The following DNM2 variants were observed in gnomAD, a reference collection of about 807,000 sequenced individuals.
DNM2 encodes dynamin 2.
In DNM2, 15 loss-of-function variants were observed where a neutral mutation model predicts 99.0. That is an observed-to-expected ratio of 0.15 (90% confidence interval 0.10 to 0.23). The LOEUF (loss-of-function observed/expected upper bound fraction) is 0.23. DNM2 is among the 10% of genes least tolerant of loss of function. DNM2 has a pLI of 1.00. For missense variants in DNM2, 742 were observed against 1,189.4 expected, an observed-to-expected ratio of 0.62 and a Z score of 5.53; for synonymous variants, 525 against 481.2, an observed-to-expected ratio of 1.09 and a Z score of -1.19.
intron 1 of DNM2, among the ~76,000 whole-genome samples, chr19:10,727,034 T>C (rs1207665070): frequency 6.6e-6 from 1 of 152,194 alleles, no homozygotes; most frequent in Non-Finnish European, 1.5e-5. Context: ...GATCCTGTCT[T>C]GTTTAAAACG....
chr19:10,828,928 A>G (rs1273518718), intron 18 of DNM2, 108 bp from the exon 19 acceptor site: 2 of 1,200,894 alleles, frequency 1.7e-6, no homozygotes, highest in Non-Finnish European at 1.2e-6. Flanking sequence ...CTTTTTCAAA[A>G]AAGTCTGGGG....
At chr19:10,776,446 C>T (rs1308319627) in intron 4 of DNM2, among the ~76,000 whole-genome samples, 1 of 152,186 alleles carries the variant, frequency 6.6e-6, no homozygotes, top group East Asian at 1.9e-4. Context: ...AGGGAGGGCA[C>T]AGCTGTGGCC....
rs1040856568 is a variant in DNM2 at position 10,816,225 on chromosome 19, G to C, written c.1672-3755G>C. On this transcript the variant is annotated intron_variant, in intron 15 of 20. Coordinates refer to ENST00000389253, the MANE Select transcript of DNM2 (RefSeq NM_001005361.3). The surrounding 1 kb of genome is among the most constrained non-coding windows in gnomAD (Gnocchi z 4.6). ...TCCGAACACCTCCGCTGCAGCCCAG[G>C]CCTGATGTCCCCTTGACTGAGGACA... Among the ~76,000 whole-genome samples, 1 of 152,142 alleles carries C rather than the reference G, an allele frequency of 6.6e-6. No homozygotes were observed. Among genetic ancestry groups the C allele is most frequent in the Non-Finnish European group, 1.5e-5 (1 of 68,022 alleles).
chr19:10,801,673 G>A (rs2072149027), intron 11 of DNM2, among the ~76,000 whole-genome samples: 3 of 149,982 alleles, frequency 2.0e-5, no homozygotes, highest in Admixed American at 1.3e-4. Context: ...TTGAGAGGCC[G>A]AGGCGGGCGG....
chr19:10,786,331 C>A, intron 6 of DNM2: 2 of 640,626 alleles, frequency 3.1e-6, no homozygotes, highest in South Asian at 3.6e-5. Flanking sequence ...CTGATGTCGG[C>A]CCCGTGGGCT....
At chr19:10,733,338 C>T (rs2069404984) in intron 1 of DNM2, among the ~76,000 whole-genome samples, 1 of 151,262 alleles carries the variant, frequency 6.6e-6, no homozygotes, top group African/African-American at 2.4e-5. Context: ...ACCACAGGCG[C>T]GCACCACAAT....
intron 1 of DNM2, 121 bp downstream of exon 1, chr19:10,718,524 C>G (rs2068827105): frequency 7.3e-6 from 9 of 1,237,624 alleles, no homozygotes; most frequent in Non-Finnish European, 9.1e-6. Context: ...CGGCGGGGAA[C>G]CGGACGGGGT....
intron 5 of DNM2, among the ~76,000 whole-genome samples, chr19:10,782,286 G>A (rs1193144364): frequency 1.3e-5 from 2 of 151,830 alleles, no homozygotes; most frequent in Admixed American, 6.6e-5. Flanking sequence ...CACCCGCCTC[G>A]GCCTCCCAAA....
intron 11 of DNM2, among the ~76,000 whole-genome samples, chr19:10,801,223 T>C (rs923765195): frequency 1.3e-5 from 2 of 152,120 alleles, no homozygotes; most frequent in Non-Finnish European, 2.9e-5. Context: ...GGAGAATTGC[T>C]TGAACCCAGG....
rs1281995135 is a variant in DNM2, at chr19:10,783,652, AG to A, written c.849+537del. On this transcript the variant is annotated intron_variant, in intron 6 of 20. Transcript: ENST00000389253. ...GTATGCATTGCCTGGGGTTGGTGAC[AG>A]GGGGTTAATAACTCTTTTTTATTTA... Among the ~76,000 whole-genome samples the A allele has an allele frequency of 8.6e-5, 13 of 151,480 alleles. No individual in the cohort carries two copies. In the South Asian group the frequency reaches 1.0e-3, roughly 12 times the overall value.
rs1568316771 is a variant in DNM2, at chr19:10,816,794, C to T, written c.1672-3186C>T. ...GCCTGAACCTCAGCCTGGCAGCTCTCTGCCTGGCAGCATTGCAAGTCTAGT... is the reference window on the plus strand; with the variant it reads ...GCCTGAACCTCAGCCTGGCAGCTCTTTGCCTGGCAGCATTGCAAGTCTAGT... On this transcript the variant is annotated intron_variant, in intron 15 of 20. Coordinates refer to ENST00000389253, the MANE Select transcript of DNM2 (RefSeq NM_001005361.3). This position sits in a 1 kb window ranked among gnomAD's most constrained non-coding sequence, Gnocchi z 4.6. 6.6e-6 allele frequency among the ~76,000 whole-genome samples: 1 copy of T among 152,200 alleles called. No homozygotes were observed. Among genetic ancestry groups the T allele is most frequent in the Non-Finnish European group, 1.5e-5 (1 of 68,032 alleles).
rs541879884 is a variant in DNM2, at chr19:10,739,856, T to G, written c.162-19882T>G. 8.1e-4 allele frequency among the ~76,000 whole-genome samples: 82 copies of G among 101,082 alleles called. 1 individual carries two copies. Among genetic ancestry groups the G allele is most frequent in the African/African-American group, 2.7e-3 (65 of 24,154 alleles). The allele number at this position is 101,082 out of a possible 152,430, so 66.3% of individuals were successfully genotyped here. A position where few individuals can be genotyped will look rare whatever the true frequency, so the allele number is the denominator to read the frequency against. The stretch of plus-strand genomic sequence containing the variant: ...GGGCAACAGAGCAAGACTCTCTCTC[T>G]CTCTCAAAAAAAAAAAAAAAAAAAA... On this transcript the variant is annotated intron_variant, in intron 1 of 20. Transcript: ENST00000389253.
intron 1 of DNM2, among the ~76,000 whole-genome samples, chr19:10,747,000 G>C (rs539938102): frequency 4.0e-4 from 61 of 151,106 alleles, no homozygotes; most frequent in African/African-American, 1.4e-3. Flanking sequence ...GCCCCGCAAA[G>C]TGCTGAGATT....
intron 1 of DNM2, among the ~76,000 whole-genome samples, chr19:10,734,760 G>A (rs1237937655): frequency 1.3e-5 from 2 of 149,576 alleles, no homozygotes; most frequent in African/African-American, 4.9e-5. Flanking sequence ...CTTGCTGTCT[G>A]GAAGTATACA....
At chr19:10,823,139 T>TCA (rs1459334861) in intron 16 of DNM2, 1 of 151,022 alleles carries the variant, frequency 6.6e-6, no homozygotes, top group African/African-American at 2.4e-5. Flanking sequence ...GCACAGTGGC[T>TCA]CACACCTGTA....
intron 13 of DNM2, among the ~76,000 whole-genome samples, chr19:10,807,333 C>T (rs1479438001): frequency 1.3e-5 from 2 of 151,598 alleles, no homozygotes; most frequent in East Asian, 1.9e-4. Context: ...CTCCACCTCC[C>T]GGGTTCAAGC....
chr19:10,806,096 G>A, intron 13 of DNM2, 129 bp downstream of exon 13: 1 of 1,163,660 alleles, frequency 8.6e-7, no homozygotes, highest in Non-Finnish European at 1.3e-6. Flanking sequence ...CAGGCCATCT[G>A]CTCTCTCTAG....
chr19:10,806,528 C>T (rs1214286858), intron 13 of DNM2, among the ~76,000 whole-genome samples: 1 of 152,148 alleles, frequency 6.6e-6, no homozygotes, highest in East Asian at 1.9e-4. Context: ...CGATAGCTCA[C>T]ACCTGTAATT....
chr19:10,734,653 A>AG (rs1387422388), intron 1 of DNM2, among the ~76,000 whole-genome samples: 5 of 151,102 alleles, frequency 3.3e-5, no homozygotes, highest in African/African-American at 1.2e-4. Flanking sequence ...AAAAAAAAAA[A>AG]AAAAAAAAGC....
Sources: gnomAD v4.1 joint callset for allele counts (sites outside exome capture counted in the v4.1 genomes callset) on GRCh38, gnomAD v4.1.1 for gene constraint, Gnocchi (gnomAD v3.1) non-coding constraint, MANE v1.5 for transcripts, NCBI Gene and HGNC (gene_info 2026-07-23, HGNC 2026-07-21) for gene names.